The following DGKD variants were observed in gnomAD, a reference collection of about 807,000 sequenced individuals.
DGKD encodes the protein DAG kinase delta.
DGKD carries 68 observed loss-of-function variants against 154.4 expected under a neutral mutation model. That is an observed-to-expected ratio of 0.44 (90% CI 0.36 to 0.54). The LOEUF (loss-of-function observed/expected upper bound fraction) is 0.54, where lower values mean the gene tolerates loss of function less well. Ranked by LOEUF, DGKD falls within the 20% of genes least tolerant of loss-of-function variation. DGKD has a pLI of 0.00. For synonymous variants in DGKD, 693 were observed against 638.0 expected (o/e 1.09, Z -1.30); for missense variants, 1,343 against 1,593.6 (o/e 0.84, Z 2.68).
Position 233,464,297 on chromosome 2 carries a change from AG to A in DGKD, c.3306+17del. On this transcript the variant is annotated intron_variant, in intron 27 of 29. Transcript: ENST00000264057. Reference sequence around the variant, plus strand: ...GGCGACGAAGAGGTATGTGGCTCATAGGGCTGTGCCTGGGTCTCCCGGACAT... The same window carrying A: ...GGCGACGAAGAGGTATGTGGCTCATAGGCTGTGCCTGGGTCTCCCGGACAT... The A allele has an allele frequency of 6.2e-7, 1 of 1,612,668 alleles. No individual in the cohort carries two copies. The highest frequency in any genetic ancestry group is 8.5e-7 in the Non-Finnish European group (1 of 1,179,360).
chr2:233,402,947 C>T (rs1430809554), intron 3 of DGKD, among the ~76,000 whole-genome samples: 4 of 152,142 alleles, frequency 2.6e-5, no homozygotes, highest in Non-Finnish European at 5.9e-5. Context: ...AGAAGTAGTT[C>T]TAGTGCCCTG....
chr2:233,369,757 C>T (rs1702218279), intron 1 of DGKD, among the ~76,000 whole-genome samples: 1 of 152,164 alleles, frequency 6.6e-6, no homozygotes, highest in South Asian at 2.1e-4. Context: ...GCGGGCTCTC[C>T]CCTCACCTTG....
At chr2:233,456,673 T>C (rs1456993856) in intron 19 of DGKD, among the ~76,000 whole-genome samples, 1 of 152,244 alleles carries the variant, frequency 6.6e-6, no homozygotes, top group African/African-American at 2.4e-5. Flanking sequence ...ATGATTACTT[T>C]CTTGGCAAAA....
intron 1 of DGKD, among the ~76,000 whole-genome samples, chr2:233,365,387 T>A (rs891801293): frequency 6.6e-6 from 1 of 152,046 alleles, no homozygotes; most frequent in Non-Finnish European, 1.5e-5. Flanking sequence ...TCCATCACCA[T>A]GCCACCATGC....
At chr2:233,448,473 G>T in intron 14 of DGKD, 98 bp downstream of exon 14, 1 of 1,092,306 alleles carries the variant, frequency 9.2e-7, no homozygotes, top group Non-Finnish European at 1.3e-6. Context: ...CCAGGTTCTT[G>T]GTGATTTGAA....
intron 1 of DGKD, among the ~76,000 whole-genome samples, chr2:233,367,854 T>TTTTC (rs1186046910): frequency 0.036 from 1,031 of 28,312 alleles, 12 homozygotes; most frequent in African/African-American, 0.2. Flanking sequence ...TTTTTTTCTT[T>TTTTC]TTTTTTTTTT....
intron 23 of DGKD, 145 bp from the exon 24 acceptor site, chr2:233,460,049 C>A: frequency 6.9e-7 from 1 of 1,454,504 alleles, no homozygotes; most frequent in East Asian, 2.5e-5. Context: ...ATTTCTAGGA[C>A]CATCTCCTTC....
In DGKD at chr2:233,464,252, T is replaced by A. The variant is rs775753182; in HGVS notation, c.3275T>A (p.Leu1092His). 23 of 1,613,436 alleles carry A rather than the reference T, an allele frequency of 1.4e-5. No individual in the cohort carries two copies. In the East Asian group the frequency reaches 5.1e-4, roughly 36 times the overall value. ...AGGAGGCTGGCAGACACCCCGTGGC[T>A]CTGCCAGTCCGCAGAGCCCGGCGAC... The part of the protein sequence containing the change: ...QLRRLADTPW[L>H]CQSAEPGDEE... Residue 1092 changes from leucine (L) to histidine (H), a missense_variant, in exon 27 of 30, where the codon CTC (leucine) becomes CAC (histidine). Leu to His is a moderately conservative substitution (Grantham distance 99, BLOSUM62 -3). This residue lies in a region of DGKD where 429 missense variants were observed against 496.3 expected (regional missense o/e 0.86). Coordinates refer to ENST00000264057, the MANE Select transcript of DGKD (RefSeq NM_152879.3).
rs932052722 is a variant in DGKD at position 233,459,538 on chromosome 2, G to T, written c.2695-219G>T. 1.3e-5 allele frequency among the ~76,000 whole-genome samples: 2 copies of T among 151,826 alleles called. No individual in the cohort carries two copies. The highest frequency in any genetic ancestry group is 4.8e-5 in the African/African-American group (2 of 41,296). ...ACTGACTGCTCAGTGAGGGGATGGGGCGGGATGGGGCGGGACAGTGGGAGA... is the reference window on the plus strand; with the variant it reads ...ACTGACTGCTCAGTGAGGGGATGGGTCGGGATGGGGCGGGACAGTGGGAGA... On this transcript the variant is annotated intron_variant, in intron 22 of 29. Transcript: ENST00000264057. This position sits in a 1 kb window ranked among gnomAD's most constrained non-coding sequence, Gnocchi z 5.7.
chr2:233,357,894 G>C (rs1465711517), intron 1 of DGKD, among the ~76,000 whole-genome samples: 2 of 152,170 alleles, frequency 1.3e-5, no homozygotes, highest in African/African-American at 4.8e-5. Flanking sequence ...CCATGGACCA[G>C]ACTTTGAAAA....
Position 233,355,641 on chromosome 2 carries a change from C to A in DGKD, c.156+967C>A, listed in dbSNP as rs562255908. Among the ~76,000 whole-genome samples the A allele has an allele frequency of 6.4e-4, 97 of 152,332 alleles. 1 individual carries two copies. The highest frequency in any genetic ancestry group is 9.6e-4 in the East Asian group (5 of 5,182). On this transcript the variant is annotated intron_variant, in intron 1 of 29. Coordinates refer to ENST00000264057, the MANE Select transcript of DGKD (RefSeq NM_152879.3). Reference sequence around the variant, plus strand: ...TACCTGCGATGGGGGAACCTGAGGTCCTAACATGTTACAAACAGGTTTGTT... The same window carrying A: ...TACCTGCGATGGGGGAACCTGAGGTACTAACATGTTACAAACAGGTTTGTT...
At chr2:233,355,788 A>G (rs1701508540) in intron 1 of DGKD, among the ~76,000 whole-genome samples, 3 of 152,374 alleles carry the variant, frequency 2.0e-5, no homozygotes, top group Admixed American at 2.0e-4. Flanking sequence ...TAAGCCTTCT[A>G]TGTGCCAGGC....
intron 1 of DGKD, among the ~76,000 whole-genome samples, chr2:233,361,330 G>T (rs931431014): frequency 1.2e-4 from 18 of 152,210 alleles, no homozygotes; most frequent in African/African-American, 4.3e-4. Flanking sequence ...AGTGTCTCTA[G>T]ATTCCCAACA....
Position 233,449,530 on chromosome 2 carries a change from T to A in DGKD, c.1888+154T>A, listed in dbSNP as rs2063199523. ...GTCCAGGCACCAGACCCCCAACGAG[T>A]TCGCTTGCCCTCCTTCCACCCCTCC... On this transcript the variant is annotated intron_variant, in intron 15 of 29. Transcript: ENST00000264057. The surrounding 1 kb of genome is among the most constrained non-coding windows in gnomAD (Gnocchi z 5.3). Among the ~76,000 whole-genome samples, 1 of 151,958 alleles carries A rather than the reference T, an allele frequency of 6.6e-6. No individual in the cohort carries two copies. Among genetic ancestry groups the A allele is most frequent in the Non-Finnish European group, 1.5e-5 (1 of 67,970 alleles).
chr2:233,469,246 T>C (rs973036584), intron 29 of DGKD, 125 bp from the exon 30 acceptor site: 16 of 756,556 alleles, frequency 2.1e-5, no homozygotes, highest in Admixed American at 2.1e-4. Flanking sequence ...TTACCGTTTT[T>C]GTCATTTTGG....
rs147714063 is a variant in DGKD, at chr2:233,429,201, C to T, written c.349-5179C>T. The T allele has an allele frequency of 5.5e-4, 538 of 985,288 alleles. 1 individual carries two copies. Among genetic ancestry groups the T allele is most frequent in the African/African-American group, 2.0e-3 (115 of 57,318 alleles). The allele number at this position is 985,288 out of a possible 1,614,324, so 61.0% of individuals were successfully genotyped here. Reference sequence around the variant, plus strand: ...TGGCACTTCAGCTCGTAAAGGCTGCCGTGGGAGTAGTAGACTCAGGACCTA... The same window carrying T: ...TGGCACTTCAGCTCGTAAAGGCTGCTGTGGGAGTAGTAGACTCAGGACCTA... On this transcript the variant is annotated intron_variant, in intron 3 of 29. Transcript: ENST00000264057.
chr2:233,454,742 A>G (rs541718093), intron 18 of DGKD, 21 bp from the exon 19 acceptor site: 1 of 1,475,128 alleles, frequency 6.8e-7, no homozygotes, highest in Non-Finnish European at 9.5e-7. Flanking sequence ...GTTGTAATTG[A>G]TTTAAAACTC....
intron 1 of DGKD, among the ~76,000 whole-genome samples, chr2:233,356,184 C>T (rs184465464): frequency 1.3e-5 from 2 of 152,320 alleles, no homozygotes; most frequent in African/African-American, 2.4e-5. Flanking sequence ...TAAGAAATGG[C>T]CTTCTACATA....
chr2:233,398,665 C>T (rs1454042746), intron 3 of DGKD, among the ~76,000 whole-genome samples: 1 of 152,156 alleles, frequency 6.6e-6, no homozygotes, highest in East Asian at 1.9e-4. Context: ...CACTGTGTCG[C>T]CCAGGCTGGA....
Sources: gnomAD v4.1 joint callset for allele counts (sites outside exome capture counted in the v4.1 genomes callset) on GRCh38, gnomAD v4.1.1 for gene constraint, gnomAD v4.1.1 regional missense constraint, Gnocchi (gnomAD v3.1) non-coding constraint, MANE v1.5 for transcripts, NCBI Gene and HGNC (gene_info 2026-07-23, HGNC 2026-07-21) for gene names.